The following OXR1 variants were observed in gnomAD, a reference collection of about 807,000 sequenced individuals.
The protein encoded by OXR1 is oxidation resistance 1, also known as oxidation resistance protein 1.
A neutral mutation model predicts 104.6 loss-of-function variants in OXR1; 41 were observed. That is an observed-to-expected ratio of 0.39 (90% CI 0.31 to 0.51). The LOEUF is 0.51. OXR1 is among the 20% of genes least tolerant of loss of function. The pLI is 0.77. For synonymous variants in OXR1, 348 were observed against 348.4 expected (o/e 1.00, Z 0.01); for missense variants, 955 against 1,031.9 (o/e 0.93, Z 1.02).
chr8:106,750,720 A>T, intron 16 of OXR1, 86 bp from the exon 17 acceptor site: 1 of 919,936 alleles, frequency 1.1e-6, no homozygotes, highest in Non-Finnish European at 1.6e-6. Context: ...TAATAACTTT[A>T]GGGTTGTTAG....
chr8:106,725,026 T>C (rs1327448948), intron 11 of OXR1, among the ~76,000 whole-genome samples: 1 of 152,124 alleles, frequency 6.6e-6, no homozygotes. Context: ...GAGTCTGTGA[T>C]GGAGGGGTGG....
At position 106,616,225 on chromosome 8, in the gene OXR1, T is replaced by G. The variant is rs920719560; in HGVS notation, c.221-62985T>G. 2.9e-5 allele frequency among the ~76,000 whole-genome samples: 4 copies of G among 135,744 alleles called. No homozygotes were observed. In the East Asian group the frequency reaches 6.1e-4, roughly 21 times the overall value. The allele number at this position is 135,744 out of a possible 152,430, so 89.1% of individuals were successfully genotyped here. On this transcript the variant is annotated intron_variant, in intron 3 of 16. Transcript: ENST00000517566. ...CCTGGCTAATTTTTTGGAATTTTTTTTTTTTTTTTTTTTTTTTTGTAGAGA... is the reference window on the plus strand; with the variant it reads ...CCTGGCTAATTTTTTGGAATTTTTTGTTTTTTTTTTTTTTTTTTGTAGAGA...
chr8:106,708,690 T>G (rs1306188807), intron 9 of OXR1, among the ~76,000 whole-genome samples: 3 of 152,198 alleles, frequency 2.0e-5, no homozygotes, highest in South Asian at 4.1e-4. Flanking sequence ...ACATTTTGGT[T>G]GTTTCAACCT....
chr8:106,666,100 A>C (rs1273019971), intron 3 of OXR1, among the ~76,000 whole-genome samples: 1 of 152,202 alleles, frequency 6.6e-6, no homozygotes, highest in Non-Finnish European at 1.5e-5. Flanking sequence ...GTGTAGCTCT[A>C]AACTGCAAGT....
intron 2 of OXR1, among the ~76,000 whole-genome samples, chr8:106,381,712 G>A (rs1366928694): frequency 1.3e-5 from 2 of 151,984 alleles, no homozygotes; most frequent in Non-Finnish European, 2.9e-5. Context: ...TAATCATCAG[G>A]GTTGGGTCAA....
In OXR1 at chr8:106,399,319, G is replaced by A. The variant is rs927052747; in HGVS notation, c.23+39683G>A. Among the ~76,000 whole-genome samples, 3 of 152,318 alleles carry A rather than the reference G, an allele frequency of 2.0e-5. 1 individual carries two copies. The highest frequency in any genetic ancestry group is 2.1e-4 in the South Asian group (1 of 4,832). ...CAGTTTTATTGTATTCAGTGATACAGCTGTGACAATAGCAATCCTAGCATT... is the reference window on the plus strand; with the variant it reads ...CAGTTTTATTGTATTCAGTGATACAACTGTGACAATAGCAATCCTAGCATT... On this transcript the variant is annotated intron_variant, in intron 2 of 16. Coordinates refer to ENST00000517566, the MANE Select transcript of OXR1 (RefSeq NM_001198533.2).
intron 1 of OXR1, among the ~76,000 whole-genome samples, chr8:106,333,664 G>A (rs7814541): frequency 0.32 from 47,900 of 151,930 alleles, 10,062 homozygotes; most frequent in African/African-American, 0.6. Flanking sequence ...TGTATATGGT[G>A]AAGTAGAGGT....
chr8:106,618,603 C>T (rs1248686134), intron 3 of OXR1, among the ~76,000 whole-genome samples: 1 of 152,120 alleles, frequency 6.6e-6, no homozygotes, highest in African/African-American at 2.4e-5. Flanking sequence ...CATAGGACAA[C>T]ATTTGTCAGT....
At chr8:106,459,123 T>C (rs1310793588) in intron 2 of OXR1, among the ~76,000 whole-genome samples, 1 of 152,080 alleles carries the variant, frequency 6.6e-6, no homozygotes, top group Non-Finnish European at 1.5e-5. Context: ...AATTCTGTGG[T>C]GTGAACATAG....
At chr8:106,404,457 A>G (rs1818131853) in intron 2 of OXR1, among the ~76,000 whole-genome samples, 3 of 152,156 alleles carry the variant, frequency 2.0e-5, no homozygotes, top group Admixed American at 2.0e-4. Flanking sequence ...CAGCTGCAAG[A>G]TGAGATTCTG....
At chr8:106,403,196 T>C (rs532917554) in intron 2 of OXR1, among the ~76,000 whole-genome samples, 2 of 152,364 alleles carry the variant, frequency 1.3e-5, no homozygotes, top group South Asian at 2.1e-4. Context: ...TTTCTGCTTA[T>C]ACCAATGAAG....
Position 106,294,901 on chromosome 8 carries a change from TC to T in OXR1, c.-139+24536del, listed in dbSNP as rs201737574. On this transcript the variant is annotated intron_variant, in intron 1 of 16. Coordinates refer to ENST00000517566, the MANE Select transcript of OXR1 (RefSeq NM_001198533.2). ...ATCTTTTAACCATTCTACATGTTTT[TC>T]CTTTGTGTTTTCATAACAATCTGTG... 6.5e-3 allele frequency among the ~76,000 whole-genome samples: 994 copies of T among 152,338 alleles called. 6 individuals carry two copies. The highest frequency in any genetic ancestry group is 0.023 in the African/African-American group (952 of 41,570).
chr8:106,466,404 C>A (rs527398110), intron 2 of OXR1, among the ~76,000 whole-genome samples: 3 of 151,638 alleles, frequency 2.0e-5, no homozygotes, highest in Non-Finnish European at 4.4e-5. Context: ...AATGCCAATT[C>A]TTTTATCCCT....
intron 3 of OXR1, among the ~76,000 whole-genome samples, chr8:106,569,588 C>G (rs1162524385): frequency 6.6e-6 from 1 of 152,206 alleles, no homozygotes; most frequent in African/African-American, 2.4e-5. Context: ...TATAACCCAG[C>G]GAAGATGCAG....
At chr8:106,373,075 G>A (rs989656365) in intron 2 of OXR1, among the ~76,000 whole-genome samples, 1 of 152,180 alleles carries the variant, frequency 6.6e-6, no homozygotes, top group Admixed American at 6.5e-5. Context: ...CATGAATGAA[G>A]TAATGTGTAG....
chr8:106,698,688 C>T (rs961002824), intron 7 of OXR1, among the ~76,000 whole-genome samples: 61 of 152,088 alleles, frequency 4.0e-4, no homozygotes, highest in Admixed American at 4.0e-3. Flanking sequence ...CATATTTCAT[C>T]TCACACATTG....
At chr8:106,524,435 C>T (rs907777252) in intron 3 of OXR1, among the ~76,000 whole-genome samples, 5 of 152,168 alleles carry the variant, frequency 3.3e-5, no homozygotes, top group Non-Finnish European at 5.9e-5. Flanking sequence ...ATATCACGGT[C>T]CAGCTTCTGC....
At chr8:106,354,454 T>C (rs1400310732) in intron 1 of OXR1, among the ~76,000 whole-genome samples, 1 of 152,172 alleles carries the variant, frequency 6.6e-6, no homozygotes, top group Non-Finnish European at 1.5e-5. Flanking sequence ...CCTCATTACC[T>C]GCACAGTACA....
intron 3 of OXR1, among the ~76,000 whole-genome samples, chr8:106,607,219 G>A (rs1393932863): frequency 6.6e-6 from 1 of 152,150 alleles, no homozygotes; most frequent in Non-Finnish European, 1.5e-5. Flanking sequence ...GAACTTGAAT[G>A]CCAGCCATTC....
Sources: allele counts gnomAD v4.1 joint callset (sites outside exome capture counted in the v4.1 genomes callset), GRCh38; gene constraint gnomAD v4.1.1; transcripts MANE v1.5; gene names NCBI Gene and HGNC (gene_info 2026-07-23, HGNC 2026-07-21).